KCNH1: variants seen among roughly 807,000 people sequenced by gnomAD.
The protein encoded by KCNH1 is potassium voltage-gated channel subfamily H member 1.
In KCNH1, 27 loss-of-function variants were observed where a neutral mutation model predicts 69.2. The observed-to-expected ratio is 0.39, with a 90% CI of 0.29 to 0.54. The LOEUF is 0.54. KCNH1 is among the 20% of genes least tolerant of loss of function. KCNH1 has a pLI of 0.68. For synonymous variants in KCNH1, 456 were observed against 487.7 expected (o/e 0.93, Z 0.86); for missense variants, 798 against 1,261.6 (o/e 0.63, Z 5.57).
chr1:211,081,057 C>T (rs530338586), intron 5 of KCNH1, among the ~76,000 whole-genome samples: 4 of 152,080 alleles, frequency 2.6e-5, no homozygotes, highest in African/African-American at 9.6e-5. Flanking sequence ...AAAATTTTTG[C>T]AATCTACCCA....
chr1:210,723,517 T>C (rs1453595198), intron 10 of KCNH1, among the ~76,000 whole-genome samples: 3 of 152,216 alleles, frequency 2.0e-5, no homozygotes, highest in Non-Finnish European at 4.4e-5. Flanking sequence ...TTTCCAAATG[T>C]TTCTTTCCTT....
chr1:210,882,332 G>A (rs1686513632), intron 7 of KCNH1, among the ~76,000 whole-genome samples: 1 of 152,150 alleles, frequency 6.6e-6, no homozygotes, highest in South Asian at 2.1e-4. Flanking sequence ...TTGAGCAAGG[G>A]TCATCCTCAT....
intron 7 of KCNH1, among the ~76,000 whole-genome samples, chr1:210,855,261 C>T (rs1330953992): frequency 6.6e-6 from 1 of 152,188 alleles, no homozygotes; most frequent in African/African-American, 2.4e-5. Flanking sequence ...AGGATTAAGA[C>T]ACTCACTCTC....
chr1:210,746,606 G>A (rs776751040), intron 10 of KCNH1, among the ~76,000 whole-genome samples: 1 of 151,442 alleles, frequency 6.6e-6, no homozygotes, highest in Non-Finnish European at 1.5e-5. Context: ...CTGTCACAGT[G>A]GCATGATCTC....
rs938010834 is a variant in KCNH1, at chr1:210,678,501, T to C, written c.*4780A>G. ...CAGCATCCTCAGCTGACCACAAAAATAGTATCAGCTCATTTACACTTTTGT... is the reference window on the plus strand; with the variant it reads ...CAGCATCCTCAGCTGACCACAAAAACAGTATCAGCTCATTTACACTTTTGT... On this transcript the variant is annotated 3_prime_UTR_variant, in exon 11 of 11. Coordinates refer to ENST00000271751, the MANE Select transcript of KCNH1 (RefSeq NM_172362.3). 1 of 152,144 alleles carries C rather than the reference T, an allele frequency of 6.6e-6. No homozygotes were observed. The highest frequency in any genetic ancestry group is 2.1e-4 in the South Asian group (1 of 4,828). 9.4% of individuals were successfully genotyped at this position (152,144 alleles called of 1,614,324 possible).
chr1:211,026,376 CAAAAAAAA>C (rs34132386), intron 5 of KCNH1, among the ~76,000 whole-genome samples: 19 of 72,692 alleles, frequency 2.6e-4, no homozygotes, highest in Non-Finnish European at 4.7e-4. Context: ...GGAGTATAGA[CAAAAAAAA>C]AAAAAAAAAA....
Position 211,111,747 on chromosome 1 carries a change from C to T in KCNH1, c.80-4370G>A, listed in dbSNP as rs188658124. Among the ~76,000 whole-genome samples, 25 of 115,804 alleles carry T rather than the reference C, an allele frequency of 2.2e-4. No homozygotes were observed. In the East Asian group the frequency reaches 2.6e-3, roughly 12 times the overall value. The allele number at this position is 115,804 out of a possible 152,430, so 76.0% of individuals were successfully genotyped here. ...CAACCCCAGTCTGGGAAGTGAGGAG[C>T]GCCTCTGCTTGGCTGCCCACCATCT... On this transcript the variant is annotated intron_variant, in intron 1 of 10. Coordinates refer to ENST00000271751, the MANE Select transcript of KCNH1 (RefSeq NM_172362.3).
chr1:211,080,208 C>T (rs1690825603), intron 5 of KCNH1, among the ~76,000 whole-genome samples: 2 of 152,126 alleles, frequency 1.3e-5, no homozygotes, highest in African/African-American at 4.8e-5. Context: ...TGAGTGAACT[C>T]CCATTCACAA....
chr1:210,828,134 C>T (rs1685072194), intron 7 of KCNH1, among the ~76,000 whole-genome samples: 1 of 152,124 alleles, frequency 6.6e-6, no homozygotes, highest in African/African-American at 2.4e-5. Context: ...TGAGCCACCG[C>T]ACCCGGCCTC....
At chr1:211,046,906 T>C (rs1201914676) in intron 5 of KCNH1, among the ~76,000 whole-genome samples, 2 of 152,104 alleles carry the variant, frequency 1.3e-5, no homozygotes, top group Non-Finnish European at 2.9e-5. Flanking sequence ...AAATTAATAC[T>C]AACCAATGGA....
chr1:210,755,536 G>A lies in KCNH1; in HGVS notation c.2112+19812C>T, dbSNP rs190199102. Among the ~76,000 whole-genome samples, 4 of 152,332 alleles carry A rather than the reference G, an allele frequency of 2.6e-5. No homozygotes were observed. In the East Asian group the frequency reaches 5.8e-4, roughly 22 times the overall value. On this transcript the variant is annotated intron_variant, in intron 10 of 10. Coordinates refer to ENST00000271751, the MANE Select transcript of KCNH1 (RefSeq NM_172362.3). ...ATGAGGCAGAAGGACTGGGAAAACT[G>A]GATTTGGCATGCAAGCCCTTCCCTG... is the stretch of plus-strand genomic sequence containing the variant.
At chr1:210,937,351 T>C (rs1014442053) in intron 6 of KCNH1, among the ~76,000 whole-genome samples, 1 of 152,206 alleles carries the variant, frequency 6.6e-6, no homozygotes, top group Non-Finnish European at 1.5e-5. Context: ...ATCACCACCT[T>C]ACAAGGTGCA....
chr1:210,860,370 T>C (rs550956595), intron 7 of KCNH1: 9 of 1,425,596 alleles, frequency 6.3e-6, no homozygotes, highest in Admixed American at 5.0e-5. Context: ...CAATGACCTG[T>C]AAGCAGATTC....
chr1:210,767,108 A>C (rs1683651623), intron 10 of KCNH1, among the ~76,000 whole-genome samples: 2 of 152,220 alleles, frequency 1.3e-5, no homozygotes, highest in African/African-American at 4.8e-5. Context: ...AGTCCAAAAA[A>C]CTTGGCAGAT....
At chr1:210,906,726 C>G (rs1687110505) in intron 7 of KCNH1, among the ~76,000 whole-genome samples, 1 of 152,180 alleles carries the variant, frequency 6.6e-6, no homozygotes, top group African/African-American at 2.4e-5. Context: ...GATTCTCTCA[C>G]TGATAGATTT....
chr1:210,996,478 C>G (rs193192457), intron 6 of KCNH1, among the ~76,000 whole-genome samples: 12 of 152,372 alleles, frequency 7.9e-5, no homozygotes, highest in Non-Finnish European at 1.8e-4. Flanking sequence ...GTAAACAAAG[C>G]AGCCAGGAAC....
Position 211,034,877 on chromosome 1 carries a change from A to G in KCNH1, c.559-15621T>C, listed in dbSNP as rs972817595. ...TTGCAAACCAGTAATCTAGAGCTCC[A>G]TAGTTCTTGGTAACAAATCCTCAGG... is the stretch of plus-strand genomic sequence containing the variant. On this transcript the variant is annotated intron_variant, in intron 5 of 10. Transcript: ENST00000271751. Among the ~76,000 whole-genome samples, 7 of 152,230 alleles carry G rather than the reference A, an allele frequency of 4.6e-5. No homozygotes were observed. The East Asian group carries it at 1.3e-3, about 29-fold the overall frequency.
chr1:210,836,470 C>T (rs1426988401), intron 7 of KCNH1, among the ~76,000 whole-genome samples: 1 of 152,152 alleles, frequency 6.6e-6, no homozygotes, highest in Non-Finnish European at 1.5e-5. Context: ...ATACAAACTT[C>T]TCATCTGTTA....
chr1:210,944,390 G>A (rs1687922455), intron 6 of KCNH1, among the ~76,000 whole-genome samples: 1 of 152,220 alleles, frequency 6.6e-6, no homozygotes, highest in African/African-American at 2.4e-5. Flanking sequence ...GGCCCTCCAG[G>A]CAAGCAAACA....
Sources: allele counts gnomAD v4.1 joint callset (sites outside exome capture counted in the v4.1 genomes callset), GRCh38; gene constraint gnomAD v4.1.1; transcripts MANE v1.5; gene names NCBI Gene and HGNC (gene_info 2026-07-23, HGNC 2026-07-21).